The following PPP2CB variants were observed in gnomAD, a reference collection of about 807,000 sequenced individuals.
PPP2CB encodes serine/threonine-protein phosphatase 2A catalytic subunit beta isoform.
A neutral mutation model predicts 39.1 loss-of-function variants in PPP2CB; 18 were observed. That is an observed-to-expected ratio of 0.46 (90% CI 0.32 to 0.68). The LOEUF (loss-of-function observed/expected upper bound fraction) is 0.68. Among genes scored for constraint, PPP2CB ranks in the 30% least tolerant of loss-of-function variants. The pLI is 0.04. For synonymous variants in PPP2CB, 129 were observed against 133.8 expected, an observed-to-expected ratio of 0.96 and a Z score of 0.25; for missense variants, 226 against 396.9, an observed-to-expected ratio of 0.57 and a Z score of 3.66.
intron 1 of PPP2CB, among the ~76,000 whole-genome samples, chr8:30,804,801 A>T (rs1806691353): frequency 6.6e-6 from 1 of 152,132 alleles, no homozygotes; most frequent in Admixed American, 6.6e-5. Flanking sequence ...AGTGTTAGGG[A>T]CTGTGCCTTC....
intron 3 of PPP2CB, chr8:30,794,607 G>A (rs929381752): frequency 1.9e-5 from 5 of 265,296 alleles, no homozygotes; most frequent in Admixed American, 5.6e-5. Context: ...TTTTCTTTCT[G>A]TAGAGATGGA....
Position 30,787,579 on chromosome 8 carries a change from C to T in PPP2CB, c.858-1272G>A, listed in dbSNP as rs1446082358. Reference sequence around the variant, plus strand: ...GATCTTGAATCCTGGGCTCAATCTGCCTGCCTTGGCTTCCCAAAGTGCTAG... The same window carrying T: ...GATCTTGAATCCTGGGCTCAATCTGTCTGCCTTGGCTTCCCAAAGTGCTAG... On this transcript the variant is annotated intron_variant, in intron 6 of 6. Transcript: ENST00000221138. Among the ~76,000 whole-genome samples, 3 of 152,196 alleles carry T rather than the reference C, an allele frequency of 2.0e-5. No homozygotes were observed. The East Asian group carries it at 5.8e-4, about 29-fold the overall frequency.
In PPP2CB at chr8:30,812,412, TGTC is replaced by T; in HGVS notation, c.7_9del (p.Asp3del). On this transcript the variant is annotated inframe_deletion, in exon 1 of 7. Transcript: ENST00000221138. Reference sequence around the variant, plus strand: ...TGGTCCAGCTCCTTGGTGAACGCCTTGTCGTCCATGGCGGCCCGATCCCGATGC... The same window carrying T: ...TGGTCCAGCTCCTTGGTGAACGCCTTGTCCATGGCGGCCCGATCCCGATGC... The T allele has an allele frequency of 6.5e-7, 1 of 1,536,066 alleles. No homozygotes were observed. The highest frequency in any genetic ancestry group is 8.8e-7 in the Non-Finnish European group (1 of 1,137,574).
intron 6 of PPP2CB, among the ~76,000 whole-genome samples, chr8:30,790,193 T>A (rs955551359): frequency 3.9e-5 from 6 of 152,320 alleles, no homozygotes; most frequent in African/African-American, 1.2e-4. Flanking sequence ...CAGTACAATC[T>A]ATGTGTGGCT....
intron 3 of PPP2CB, among the ~76,000 whole-genome samples, chr8:30,796,130 C>T (rs1321948178): frequency 6.6e-6 from 1 of 152,066 alleles, no homozygotes; most frequent in Non-Finnish European, 1.5e-5. Context: ...TTAAAAACAA[C>T]CTTAATTAAA....
In PPP2CB at chr8:30,799,634, G is replaced by T; in HGVS notation, c.224C>A (p.Ser75Ter). 1.2e-6 allele frequency: 2 copies of T among 1,613,962 alleles called. No individual in the cohort carries two copies. The highest frequency in any genetic ancestry group is 8.5e-7 in the Non-Finnish European group (1 of 1,179,888). ...LMELFRIGGKSPDTNYLFMGD... is the reference protein window; with the variant it reads ...LMELFRIGGK ...CATGAATAAGTAGTTTGTATCCGGTGATTTTCCACCAATTCTAAAGAGTTC... is the reference window on the plus strand; with the variant it reads ...CATGAATAAGTAGTTTGTATCCGGTTATTTTCCACCAATTCTAAAGAGTTC... Residue 75 changes from serine (S) to a stop codon, truncating the protein, a stop_gained, in exon 2 of 7, where the codon TCA becomes TAA. Transcript: ENST00000221138. LOFTEE classifies it high-confidence loss of function.
chr8:30,793,388 C>T (rs1806469033), intron 5 of PPP2CB: 1 of 152,246 alleles, frequency 6.6e-6, no homozygotes, highest in Non-Finnish European at 1.5e-5. Context: ...TTAAATTTTG[C>T]TATTAAAGAC....
chr8:30,791,233 G>C lies in PPP2CB; in HGVS notation c.821C>G (p.Ala274Gly), dbSNP rs763843439. 1 of 1,612,006 alleles carries C rather than the reference G, an allele frequency of 6.2e-7. No homozygotes were observed. The highest frequency in any genetic ancestry group is 1.1e-5 in the South Asian group (1 of 90,408). ...TAAAGTGTCATCTAATTCCATGATA[G>C]CAGCCTGGTTCCCACAACGATAACA... Reference protein sequence around the residue: ...NYCYRCGNQAAIMELDDTLKY... With the variant: ...NYCYRCGNQAGIMELDDTLKY... Residue 274 changes from alanine to glycine, a missense_variant, in exon 6 of 7, where the codon GCT becomes GGT. Around this residue, in one of 4 missense-constraint regions of PPP2CB, gnomAD observed 56 missense variants for 92.0 expected, o/e 0.61. Transcript: ENST00000221138.
At chr8:30,807,862 G>C (rs1320269032) in intron 1 of PPP2CB, among the ~76,000 whole-genome samples, 1 of 152,326 alleles carries the variant, frequency 6.6e-6, no homozygotes, top group East Asian at 1.9e-4. Context: ...TCAAAAGCTG[G>C]ATTGCTAATT....
At chr8:30,786,509 T>TTTTTTTTTTTTTTTTTTTTTTTG in intron 6 of PPP2CB, 2 of 382,536 alleles carry the variant, frequency 5.2e-6, no homozygotes, top group Admixed American at 4.6e-5. Flanking sequence ...GGTGAAAATT[T>TTTTTTTTTTTTTTTTTTTTTTTG]AAGAAGACAG....
chr8:30,797,775 C>T (rs1320811189), intron 2 of PPP2CB, 21 bp from the exon 3 acceptor site: 1 of 1,605,922 alleles, frequency 6.2e-7, no homozygotes, highest in African/African-American at 1.3e-5. Flanking sequence ...AGGAGTAAAA[C>T]CCATAGTAAA....
intron 1 of PPP2CB, among the ~76,000 whole-genome samples, chr8:30,805,683 T>C (rs925986176): frequency 1.2e-4 from 18 of 152,218 alleles, no homozygotes; most frequent in Admixed American, 6.5e-4. Flanking sequence ...TTTTCTAAGA[T>C]TGAATAGGTG....
intron 3 of PPP2CB, among the ~76,000 whole-genome samples, chr8:30,794,773 T>G (rs1806491858): frequency 6.6e-6 from 1 of 152,210 alleles, no homozygotes; most frequent in Admixed American, 6.5e-5. Context: ...CAGCTGTCAT[T>G]ACAGCTTCTG....
At chr8:30,789,329 C>T (rs953749815) in intron 6 of PPP2CB, among the ~76,000 whole-genome samples, 15 of 152,156 alleles carry the variant, frequency 9.9e-5, no homozygotes, top group African/African-American at 3.1e-4. Context: ...CGTGCCTGAC[C>T]GTTTTTACTT....
intron 6 of PPP2CB, 198 bp from the exon 7 acceptor site, chr8:30,786,505 A>ATTTTTTTTTTTTT: frequency 2.6e-6 from 1 of 388,824 alleles, no homozygotes; most frequent in Admixed American, 4.5e-5. Flanking sequence ...CTATGGTGAA[A>ATTTTTTTTTTTTT]ATTTAAGAAG....
chr8:30,802,483 T>C (rs1286761848), intron 1 of PPP2CB, among the ~76,000 whole-genome samples: 1 of 152,032 alleles, frequency 6.6e-6, no homozygotes. Flanking sequence ...CTGAGGTGCT[T>C]GCACAAATTT....
At chr8:30,805,160 C>G (rs145306051) in intron 1 of PPP2CB, among the ~76,000 whole-genome samples, 1 of 152,208 alleles carries the variant, frequency 6.6e-6, no homozygotes, top group Non-Finnish European at 1.5e-5. Flanking sequence ...GCTACTCAAG[C>G]CAAGTCGAGA....
At chr8:30,787,961 T>G (rs1033652192) in intron 6 of PPP2CB, among the ~76,000 whole-genome samples, 1 of 152,236 alleles carries the variant, frequency 6.6e-6, no homozygotes, top group African/African-American at 2.4e-5. Flanking sequence ...TTATCAAAGT[T>G]ACTGAATTTG....
At chr8:30,786,911 C>T (rs1470363929) in intron 6 of PPP2CB, among the ~76,000 whole-genome samples, 2 of 151,988 alleles carry the variant, frequency 1.3e-5, no homozygotes, top group African/African-American at 4.8e-5. Context: ...ATGATCCACC[C>T]GCTTCGGCCT....
Sources: allele counts gnomAD v4.1 joint callset (sites outside exome capture counted in the v4.1 genomes callset), GRCh38; gene constraint gnomAD v4.1.1; regional missense constraint gnomAD v4.1.1; transcripts MANE v1.5; gene names NCBI Gene and HGNC (gene_info 2026-07-23, HGNC 2026-07-21).